Variants in ANKRD31 observed in about 807,000 individuals in gnomAD.
The protein encoded by ANKRD31 is ankyrin repeat domain-containing protein 31.
A neutral mutation model predicts 186.0 loss-of-function variants in ANKRD31; 147 were observed. The observed-to-expected ratio is 0.79, with a 90% CI of 0.69 to 0.91. The LOEUF (loss-of-function observed/expected upper bound fraction) is 0.91. ANKRD31 is among the 40% of genes least tolerant of loss of function. ANKRD31 has a pLI of 0.00. For missense variants in ANKRD31, 1,986 were observed against 2,148.8 expected (o/e 0.92, Z 1.50); for synonymous variants, 673 against 736.4 (o/e 0.91, Z 1.39).
In ANKRD31 at chr5:75,147,393, A is replaced by G. The variant is rs767835850; in HGVS notation, c.2018T>C (p.Ile673Thr). ...VNKGSKASLFINKEDVYEYYQ... is the reference protein window; with the variant it reads ...VNKGSKASLFTNKEDVYEYYQ... ...ATATTCATATACATCTTCTTTATTT[A>G]TAAATAAACTCGCTTTGCTTCCTTT... Residue 673 changes from isoleucine (I) to threonine (T), a missense_variant, in exon 14 of 26, where the codon ATA becomes ACA. Physicochemically the swap from Ile to Thr is moderately conservative, Grantham distance 89 (BLOSUM62 -1). Coordinates refer to ENST00000506364, the MANE Select transcript of ANKRD31 (RefSeq NM_001372053.1). 68 of 1,523,020 alleles carry G rather than the reference A, an allele frequency of 4.5e-5. 1 individual carries two copies. The highest frequency in any genetic ancestry group is 2.1e-4 in the Admixed American group (10 of 47,734). The allele number at this position is 1,523,020 out of a possible 1,614,324, so 94.3% of individuals were successfully genotyped here.
At chr5:75,073,632 G>A (rs971711252) in intron 25 of ANKRD31, among the ~76,000 whole-genome samples, 1 of 152,194 alleles carries the variant, frequency 6.6e-6, no homozygotes. Flanking sequence ...ATTTAAAAAT[G>A]CTAATGTTAA....
chr5:75,165,663 A>T (rs1295660491), intron 11 of ANKRD31, among the ~76,000 whole-genome samples: 3 of 152,196 alleles, frequency 2.0e-5, no homozygotes, highest in Admixed American at 6.5e-5. Flanking sequence ...TCAAAACATA[A>T]CAATTTACAG....
chr5:75,143,389 A>G (rs1458952936), intron 15 of ANKRD31, among the ~76,000 whole-genome samples: 1 of 152,128 alleles, frequency 6.6e-6, no homozygotes, highest in African/African-American at 2.4e-5. Context: ...TATAGGAGGT[A>G]TGTATAAGAA....
At position 75,140,212 on chromosome 5, in the gene ANKRD31, GA is replaced by G. The variant is rs1750908677; in HGVS notation, c.3596-1230del. 6.4e-5 allele frequency among the ~76,000 whole-genome samples: 8 copies of G among 125,050 alleles called. No homozygotes were observed. The South Asian group carries it at 1.8e-3, about 28-fold the overall frequency. The allele number at this position is 125,050 out of a possible 152,430, so 82.0% of individuals were successfully genotyped here. A position where few individuals can be genotyped will look rare whatever the true frequency, so the allele number is the denominator to read the frequency against. Reference sequence around the variant, plus strand: ...GAGATACACTCCGTCTCAAAAAAAAGAAAAGAAAAGAAAAGAAAGAAAGAAG... The same window carrying G: ...GAGATACACTCCGTCTCAAAAAAAAGAAAGAAAAGAAAAGAAAGAAAGAAG... On this transcript the variant is annotated intron_variant, in intron 15 of 25. Transcript: ENST00000506364.
intron 23 of ANKRD31, among the ~76,000 whole-genome samples, chr5:75,085,644 C>A (rs906612282): frequency 6.6e-5 from 10 of 152,140 alleles, no homozygotes; most frequent in African/African-American, 2.2e-4. Flanking sequence ...TCAAATGATC[C>A]ACCTGCCTTG....
intron 14 of ANKRD31, among the ~76,000 whole-genome samples, chr5:75,144,391 CCTG>C (rs1269606294): frequency 7.2e-5 from 11 of 152,142 alleles, no homozygotes; most frequent in Admixed American, 6.6e-4. Context: ...CTAACAATTT[CCTG>C]CTATCAAAAT....
At chr5:75,136,698 T>C (rs1750606472) in intron 17 of ANKRD31, among the ~76,000 whole-genome samples, 1 of 152,228 alleles carries the variant, frequency 6.6e-6, no homozygotes, top group African/African-American at 2.4e-5. Flanking sequence ...CATGCTGCTA[T>C]AAAGACACAT....
chr5:75,157,468 T>G (rs1345599414), intron 11 of ANKRD31, among the ~76,000 whole-genome samples: 4 of 152,190 alleles, frequency 2.6e-5, no homozygotes, highest in Non-Finnish European at 5.9e-5. Flanking sequence ...GAACCAGAAC[T>G]TGATGATTTG....
At chr5:75,162,927 A>G (rs1337762275) in intron 11 of ANKRD31, among the ~76,000 whole-genome samples, 2 of 152,132 alleles carry the variant, frequency 1.3e-5, no homozygotes, top group Non-Finnish European at 2.9e-5. Flanking sequence ...CATTGTATAG[A>G]TTTATGCTTA....
intron 22 of ANKRD31, among the ~76,000 whole-genome samples, chr5:75,098,146 C>A (rs1346598085): frequency 6.6e-6 from 1 of 152,082 alleles, no homozygotes; most frequent in Non-Finnish European, 1.5e-5. Flanking sequence ...GCGCCCACCA[C>A]CATGCCCGGC....
At chr5:75,113,660 C>T (rs1295402607) in intron 19 of ANKRD31, among the ~76,000 whole-genome samples, 1 of 151,948 alleles carries the variant, frequency 6.6e-6, no homozygotes, top group Admixed American at 6.6e-5. Context: ...AGTATGTTGC[C>T]CTGAAATTTT....
At chr5:75,092,709 C>T (rs1182371824) in intron 22 of ANKRD31, among the ~76,000 whole-genome samples, 2 of 151,944 alleles carry the variant, frequency 1.3e-5, no homozygotes, top group Non-Finnish European at 2.9e-5. Context: ...TACAAAGAAA[C>T]AGCAAAGTAT....
intron 6 of ANKRD31, among the ~76,000 whole-genome samples, chr5:75,198,429 G>T (rs1448128222): frequency 6.6e-6 from 1 of 152,174 alleles, no homozygotes; most frequent in African/African-American, 2.4e-5. Flanking sequence ...GGAGGCAGTG[G>T]AGGGCTTTCA....
intron 22 of ANKRD31, among the ~76,000 whole-genome samples, chr5:75,101,461 A>C (rs1261024208): frequency 6.6e-6 from 1 of 152,034 alleles, no homozygotes; most frequent in East Asian, 1.9e-4. Flanking sequence ...CTTAAATTTG[A>C]ACGTTGGTCT....
At chr5:75,191,438 A>C (rs533264218) in intron 9 of ANKRD31, among the ~76,000 whole-genome samples, 86 of 151,908 alleles carry the variant, frequency 5.7e-4, no homozygotes, top group African/African-American at 2.0e-3. Flanking sequence ...AGGTCCTGCC[A>C]CTCTAACTTT....
At chr5:75,136,535 G>T (rs1450473353) in intron 17 of ANKRD31, among the ~76,000 whole-genome samples, 1 of 152,206 alleles carries the variant, frequency 6.6e-6, no homozygotes, top group Non-Finnish European at 1.5e-5. Context: ...AGAGGGTGTG[G>T]AGAAATAGGA....
intron 17 of ANKRD31, among the ~76,000 whole-genome samples, chr5:75,130,989 C>T (rs566372748): frequency 1.5e-4 from 23 of 152,344 alleles, no homozygotes; most frequent in South Asian, 4.1e-4. Flanking sequence ...TTTTGGCCAA[C>T]GGCCCCACAA....
intron 2 of ANKRD31, among the ~76,000 whole-genome samples, chr5:75,227,748 G>A (rs140414773): frequency 5.1e-4 from 78 of 152,156 alleles, no homozygotes; most frequent in South Asian, 1.7e-3. Context: ...CTGGACCACG[G>A]ACCAGTACCC....
At chr5:75,145,083 A>C (rs1463039434) in intron 14 of ANKRD31, among the ~76,000 whole-genome samples, 1 of 152,180 alleles carries the variant, frequency 6.6e-6, no homozygotes, top group Non-Finnish European at 1.5e-5. Context: ...AAAAGTCATG[A>C]AACAACAGAT....
Sources: gnomAD v4.1 joint callset for allele counts (sites outside exome capture counted in the v4.1 genomes callset) on GRCh38, gnomAD v4.1.1 for gene constraint, MANE v1.5 for transcripts, NCBI Gene and HGNC (gene_info 2026-07-23, HGNC 2026-07-21) for gene names.